Variants in MACROD2 observed in about 807,000 individuals in gnomAD.
MACROD2 encodes the protein mono-ADP ribosylhydrolase 2.
A neutral mutation model predicts 70.4 loss-of-function variants in MACROD2; 36 were observed. That is an observed-to-expected ratio of 0.51 (90% CI 0.39 to 0.68). The LOEUF (loss-of-function observed/expected upper bound fraction) is 0.68. Ranked by LOEUF, MACROD2 falls within the 30% of genes least tolerant of loss-of-function variation. MACROD2 has a pLI of 0.00. For synonymous variants in MACROD2, 172 were observed against 178.8 expected, an observed-to-expected ratio of 0.96 and a Z score of 0.30; for missense variants, 496 against 538.4, an observed-to-expected ratio of 0.92 and a Z score of 0.78.
At chr20:15,891,508 A>G (rs539614272) in intron 10 of MACROD2, among the ~76,000 whole-genome samples, 29 of 152,314 alleles carry the variant, frequency 1.9e-4, no homozygotes, top group Middle Eastern at 3.4e-3. Context: ...AGTAAAGAGT[A>G]GAAGCAGGGA....
intron 4 of MACROD2, among the ~76,000 whole-genome samples, chr20:14,506,732 C>G (rs748221585): frequency 6.6e-6 from 1 of 152,040 alleles, no homozygotes; most frequent in Admixed American, 6.6e-5. Context: ...GGACAGACAA[C>G]GAGGTCAGGA....
chr20:14,906,481 G>A (rs1359494190), intron 5 of MACROD2, among the ~76,000 whole-genome samples: 2 of 152,094 alleles, frequency 1.3e-5, no homozygotes, highest in African/African-American at 4.8e-5. Flanking sequence ...GCAACAGAGT[G>A]AGACTCAGTC....
At chr20:15,143,676 G>C (rs931497395) in intron 5 of MACROD2, among the ~76,000 whole-genome samples, 3 of 151,966 alleles carry the variant, frequency 2.0e-5, no homozygotes, top group African/African-American at 2.4e-5. Context: ...TGGCCATGCT[G>C]TCTCAGCAAA....
At chr20:14,860,722 A>G (rs760256552) in intron 5 of MACROD2, among the ~76,000 whole-genome samples, 4 of 152,056 alleles carry the variant, frequency 2.6e-5, no homozygotes, top group Non-Finnish European at 5.9e-5. Context: ...CCCTGCTGAG[A>G]TGCTCCCTTC....
intron 3 of MACROD2, among the ~76,000 whole-genome samples, chr20:14,421,013 A>G (rs959152996): frequency 6.6e-6 from 1 of 152,336 alleles, no homozygotes. Context: ...TCTTTGATAC[A>G]CAAAAGTTTT....
intron 3 of MACROD2, among the ~76,000 whole-genome samples, chr20:14,181,418 T>C (rs775801157): frequency 4.6e-5 from 7 of 151,964 alleles, no homozygotes; most frequent in Non-Finnish European, 8.8e-5. Flanking sequence ...ACGAAAATGA[T>C]GGGGAACCAT....
chr20:15,950,939 G>A (rs765940768), intron 12 of MACROD2, among the ~76,000 whole-genome samples: 14 of 151,982 alleles, frequency 9.2e-5, no homozygotes, highest in Admixed American at 3.9e-4. Flanking sequence ...TTGCTTGCTC[G>A]CCCCTTTTTT....
chr20:14,203,379 T>G (rs1425951739), intron 3 of MACROD2, among the ~76,000 whole-genome samples: 1 of 152,150 alleles, frequency 6.6e-6, no homozygotes, highest in Non-Finnish European at 1.5e-5. Flanking sequence ...TTCAGGAATT[T>G]CATAGATTTT....
chr20:15,532,900 C>T (rs1161633290), intron 8 of MACROD2, among the ~76,000 whole-genome samples: 3 of 152,110 alleles, frequency 2.0e-5, no homozygotes, highest in Admixed American at 6.6e-5. Flanking sequence ...GAGGTCATTT[C>T]CAGACCTGAG....
chr20:15,407,649 C>T (rs772326315), intron 6 of MACROD2, among the ~76,000 whole-genome samples: 1 of 152,160 alleles, frequency 6.6e-6, no homozygotes, highest in Non-Finnish European at 1.5e-5. Context: ...TCACTAGGCA[C>T]CCAGCCTCTC....
intron 3 of MACROD2, among the ~76,000 whole-genome samples, chr20:14,099,691 G>A (rs1434658316): frequency 6.6e-6 from 1 of 152,098 alleles, no homozygotes; most frequent in Non-Finnish European, 1.5e-5. Flanking sequence ...ATTTGTGTTG[G>A]ATCTATATCT....
chr20:14,883,542 A>G (rs1023796192), intron 5 of MACROD2, among the ~76,000 whole-genome samples: 1 of 151,996 alleles, frequency 6.6e-6, no homozygotes, highest in Non-Finnish European at 1.5e-5. Flanking sequence ...AATCCCATTC[A>G]CATTCCAGTT....
At position 15,824,239 on chromosome 20, in the gene MACROD2, G is replaced by GTC. The variant is rs139724335; in HGVS notation, c.646-38488_646-38487dup. Among the ~76,000 whole-genome samples the GTC allele has an allele frequency of 4.9e-3, 728 of 149,718 alleles. 3 individuals are homozygous for GTC. Among genetic ancestry groups the GTC allele is most frequent in the African/African-American group, 0.015 (631 of 40,990 alleles). On this transcript the variant is annotated intron_variant, in intron 8 of 17. Coordinates refer to ENST00000684519, the MANE Select transcript of MACROD2 (RefSeq NM_001351661.2). Reference sequence around the variant, plus strand: ...CACTGATAAATCACATATCTTAAGTGTCTCTCTCTCTCTCTCTCTGTGTGC... The same window carrying GTC: ...CACTGATAAATCACATATCTTAAGTGTCTCTCTCTCTCTCTCTCTCTGTGTGC...
At chr20:15,066,325 G>A (rs903225311) in intron 5 of MACROD2, among the ~76,000 whole-genome samples, 4 of 151,306 alleles carry the variant, frequency 2.6e-5, no homozygotes, top group African/African-American at 4.8e-5. Flanking sequence ...GTAGAGACAC[G>A]GTTTCACCAT....
chr20:16,002,176 A>G (rs2066718828), intron 15 of MACROD2, among the ~76,000 whole-genome samples: 1 of 152,164 alleles, frequency 6.6e-6, no homozygotes, highest in South Asian at 2.1e-4. Flanking sequence ...TATCCAGAAG[A>G]TATCTTACTA....
At chr20:14,701,066 G>A (rs915149508) in intron 5 of MACROD2, among the ~76,000 whole-genome samples, 5 of 152,110 alleles carry the variant, frequency 3.3e-5, no homozygotes, top group Non-Finnish European at 7.4e-5. Context: ...AGCAGAAAAT[G>A]TGCTGAAACA....
intron 4 of MACROD2, among the ~76,000 whole-genome samples, chr20:14,602,500 C>T (rs1027616294): frequency 6.6e-6 from 1 of 152,162 alleles, no homozygotes; most frequent in African/African-American, 2.4e-5. Flanking sequence ...CTGCTATGTC[C>T]TCAGTAACTG....
rs202095681 is a variant in MACROD2 at position 15,148,306 on chromosome 20, G to A, written c.419-81634G>A. Among the ~76,000 whole-genome samples the A allele has an allele frequency of 2.2e-4, 33 of 152,044 alleles. No individual in the cohort carries two copies. In the East Asian group the frequency reaches 3.5e-3, roughly 16 times the overall value. ...AATTATTGGTGATGGCCTGGATACC[G>A]TTTTGTATGAATTGAAAAACTAAAC... On this transcript the variant is annotated intron_variant, in intron 5 of 17. Transcript: ENST00000684519.
intron 2 of MACROD2, among the ~76,000 whole-genome samples, chr20:14,045,388 A>G (rs1469451537): frequency 1.3e-5 from 2 of 152,214 alleles, no homozygotes; most frequent in African/African-American, 4.8e-5. Flanking sequence ...TTGGTGTGGG[A>G]CTGAAAAGTT....
Sources: allele counts gnomAD v4.1 joint callset (sites outside exome capture counted in the v4.1 genomes callset), GRCh38; gene constraint gnomAD v4.1.1; transcripts MANE v1.5; gene names NCBI Gene and HGNC (gene_info 2026-07-23, HGNC 2026-07-21).